Variants in SVOPL observed in about 807,000 individuals in gnomAD.
The protein encoded by SVOPL is putative transporter SVOPL.
Under a neutral mutation model 61.0 loss-of-function variants are expected in SVOPL, and 60 were observed. The observed-to-expected ratio is 0.98, with a 90% CI of 0.80 to 1.22. The LOEUF (loss-of-function observed/expected upper bound fraction) is 1.22. Among genes scored for constraint, SVOPL ranks in the 50% most tolerant of loss-of-function variants. The pLI, the probability that SVOPL is intolerant of heterozygous loss-of-function variation, is 0.00. For missense variants in SVOPL, 662 were observed against 643.9 expected (o/e 1.03, Z -0.30); for synonymous variants, 279 against 250.0 (o/e 1.12, Z -1.09).
Position 138,621,111 on chromosome 7 carries a change from A to G in SVOPL, c.1288T>C (p.Leu430=). The G allele has an allele frequency of 6.2e-7, 1 of 1,612,974 alleles. No individual in the cohort carries two copies. The highest frequency in any genetic ancestry group is 8.5e-7 in the Non-Finnish European group (1 of 1,179,490). The change falls in exon 14 of 16, where the codon TTG becomes CTG. Residue 430 remains leucine, a synonymous_variant. Coordinates refer to ENST00000674285, the MANE Select transcript of SVOPL (RefSeq NM_001139456.2). ...AGGGAGCCGCTGGTTCCCATCCCCA[A>G]AGCGCGCATCGTGGTGGGGTAGACC... ...AEVYPTTMRA[L]GMGTSGSLCR...
chr7:138,603,812 CCTCCTT>C (rs1177449728), intron 14 of SVOPL, among the ~76,000 whole-genome samples: 1 of 151,912 alleles, frequency 6.6e-6, no homozygotes, highest in Non-Finnish European at 1.5e-5. Flanking sequence ...ACATGAAAGA[CCTCCTT>C]CTCTTCTTTT....
At chr7:138,698,471 T>C (rs1435999249) in intron 1 of SVOPL, among the ~76,000 whole-genome samples, 1 of 152,044 alleles carries the variant, frequency 6.6e-6, no homozygotes, top group Non-Finnish European at 1.5e-5. Flanking sequence ...TCTCAGGTCA[T>C]GATGCAAATT....
chr7:138,689,408 C>A, intron 1 of SVOPL: 1 of 1,337,482 alleles, frequency 7.5e-7, no homozygotes, highest in Non-Finnish European at 1.1e-6. Flanking sequence ...TGAGCTCTCC[C>A]TGCCACATCG....
At chr7:138,613,970 C>T (rs1481080806) in intron 14 of SVOPL, among the ~76,000 whole-genome samples, 1 of 152,230 alleles carries the variant, frequency 6.6e-6, no homozygotes, top group Non-Finnish European at 1.5e-5. Context: ...CAGCACACCA[C>T]TGGCACCTCA....
In SVOPL at chr7:138,648,532, C is replaced by CAA; in HGVS notation, c.660+479_660+480insTT. Among the ~76,000 whole-genome samples, 3 of 104,024 alleles carry CAA rather than the reference C, an allele frequency of 2.9e-5. No individual in the cohort carries two copies. In the South Asian group the frequency reaches 9.8e-4, roughly 34 times the overall value. The allele number at this position is 104,024 out of a possible 152,430, so 68.2% of individuals were successfully genotyped here. ...GTGAAACACTGTCTCTACTAAAAAT[C>CAA]CAAAAAAAAAAAAAAAAAAAAAAAA... On this transcript the variant is annotated intron_variant, in intron 8 of 15. Coordinates refer to ENST00000674285, the MANE Select transcript of SVOPL (RefSeq NM_001139456.2).
intron 8 of SVOPL, among the ~76,000 whole-genome samples, chr7:138,647,484 C>G (rs2117012936): frequency 6.6e-6 from 1 of 152,214 alleles, no homozygotes; most frequent in South Asian, 2.1e-4. Context: ...GGAGAAAATT[C>G]TGCTCAACAT....
chr7:138,626,598 G>A (rs1325035898), intron 12 of SVOPL, among the ~76,000 whole-genome samples: 5 of 152,072 alleles, frequency 3.3e-5, no homozygotes, highest in African/African-American at 1.2e-4. Flanking sequence ...TTGCCATGTT[G>A]TCCAAGCTGA....
chr7:138,692,006 C>T (rs912036229), intron 1 of SVOPL, among the ~76,000 whole-genome samples: 2 of 151,958 alleles, frequency 1.3e-5, no homozygotes, highest in African/African-American at 2.4e-5. Flanking sequence ...TTAGTAGAGA[C>T]AGGGTTTCAC....
intron 1 of SVOPL, among the ~76,000 whole-genome samples, chr7:138,695,712 G>T (rs866311026): frequency 3.3e-5 from 5 of 152,046 alleles, no homozygotes; most frequent in Middle Eastern, 3.4e-3. Context: ...TACTTACAGG[G>T]TTTAGATTTT....
intron 9 of SVOPL, among the ~76,000 whole-genome samples, chr7:138,640,517 T>C (rs182272885): frequency 1.1e-3 from 167 of 152,326 alleles, no homozygotes; most frequent in African/African-American, 3.9e-3. Flanking sequence ...CTCAAAGTGC[T>C]GGGATTACAG....
chr7:138,637,439 TATAGATAGATAGATAG>T (rs1191597980), intron 9 of SVOPL, among the ~76,000 whole-genome samples: 372 of 23,130 alleles, frequency 0.016, 7 homozygotes, highest in Non-Finnish European at 0.021. Flanking sequence ...TATATATATA[TATAGATAGATAGATAG>T]ATATATATAT....
intron 14 of SVOPL, among the ~76,000 whole-genome samples, chr7:138,610,838 C>T (rs2116811248): frequency 6.6e-6 from 1 of 152,354 alleles, no homozygotes; most frequent in East Asian, 1.9e-4. Context: ...GATAGGGCCC[C>T]AGGTTCCCAG....
intron 8 of SVOPL, among the ~76,000 whole-genome samples, chr7:138,647,157 C>CGAGGTCAG (rs1801158790): frequency 6.6e-6 from 1 of 152,090 alleles, no homozygotes; most frequent in South Asian, 2.1e-4. Flanking sequence ...GGGCAGATCA[C>CGAGGTCAG]GAGGTCAGGA....
chr7:138,670,439 G>A (rs1372670363), intron 4 of SVOPL, among the ~76,000 whole-genome samples: 2 of 152,088 alleles, frequency 1.3e-5, no homozygotes, highest in African/African-American at 4.8e-5. Context: ...TTTTTGAGAA[G>A]TCTTTTCAGA....
intron 9 of SVOPL, among the ~76,000 whole-genome samples, chr7:138,633,312 G>A (rs1048243317): frequency 1.3e-5 from 2 of 152,194 alleles, no homozygotes; most frequent in African/African-American, 2.4e-5. Context: ...CGGGGGTGGA[G>A]GCTTATGGGA....
chr7:138,650,265 T>C (rs1386464523), intron 7 of SVOPL, among the ~76,000 whole-genome samples: 2 of 151,806 alleles, frequency 1.3e-5, no homozygotes, highest in Non-Finnish European at 2.9e-5. Context: ...TAATAGAGGG[T>C]GTGTTAGTAG....
Position 138,594,441 on chromosome 7 carries a change from G to C in SVOPL, c.*169C>G, listed in dbSNP as rs901151995. ...TTTATATATTGTTCCTCAAGGAAGA[G>C]ATCAATATACAGTTACCTACCCCAT... On this transcript the variant is annotated 3_prime_UTR_variant, in exon 16 of 16. Transcript: ENST00000674285. 2.3e-6 allele frequency: 1 copy of C among 438,982 alleles called. No homozygotes were observed. Among genetic ancestry groups the C allele is most frequent in the African/African-American group, 2.0e-5 (1 of 49,356 alleles). 27.2% of individuals were successfully genotyped at this position (438,982 alleles called of 1,614,324 possible). A position where few individuals can be genotyped will look rare whatever the true frequency, so the allele number is the denominator to read the frequency against.
At chr7:138,689,187 T>G (rs1360575164) in intron 1 of SVOPL, 3 of 1,162,052 alleles carry the variant, frequency 2.6e-6, no homozygotes, top group Non-Finnish European at 3.9e-6. Context: ...AGTGGGCAGG[T>G]GTGCCCAGGC....
chr7:138,625,942 G>C (rs1799871403), intron 13 of SVOPL, 27 bp downstream of exon 13: 2 of 1,612,852 alleles, frequency 1.2e-6, no homozygotes, highest in Non-Finnish European at 1.7e-6. Context: ...CACACCCTTT[G>C]TAAGCAAGCC....
Sources: gnomAD v4.1 joint callset for allele counts (sites outside exome capture counted in the v4.1 genomes callset) on GRCh38, gnomAD v4.1.1 for gene constraint, MANE v1.5 for transcripts, NCBI Gene and HGNC (gene_info 2026-07-23, HGNC 2026-07-21) for gene names.